Variants in ZZEF1 observed in about 807,000 individuals in gnomAD.
ZZEF1 encodes zinc finger ZZ-type and EF-hand domain containing 1.
A neutral mutation model predicts 342.8 loss-of-function variants in ZZEF1; 157 were observed. The observed-to-expected ratio is 0.46, with a 90% CI of 0.40 to 0.52. The LOEUF is 0.52. Ranked by LOEUF, ZZEF1 falls within the 20% of genes least tolerant of loss-of-function variation. ZZEF1 has a pLI of 0.00. For missense variants in ZZEF1, 3,480 were observed against 3,725.6 expected (o/e 0.93, Z 1.72); for synonymous variants, 1,505 against 1,429.1 (o/e 1.05, Z -1.20).
At chr17:4,048,263 T>C (rs781854) in intron 37 of ZZEF1, among the ~76,000 whole-genome samples, 56,043 of 152,050 alleles carry the variant, frequency 0.37, 11,782 homozygotes, top group African/African-American at 0.57. Flanking sequence ...GGCTTGATGA[T>C]TATGTGGCCT....
At chr17:4,049,542 T>C (rs1009434947) in intron 37 of ZZEF1, among the ~76,000 whole-genome samples, 166 bp downstream of exon 37, 1 of 151,908 alleles carries the variant, frequency 6.6e-6, no homozygotes, top group Admixed American at 6.6e-5. Flanking sequence ...AAACAAACAC[T>C]GAAGAGATGA....
rs781738305 is a variant in ZZEF1 at position 4,070,795 on chromosome 17, C to A, written c.3964G>T (p.Ala1322Ser). The A allele has an allele frequency of 1.2e-6, 2 of 1,614,138 alleles. No individual in the cohort carries two copies. The highest frequency in any genetic ancestry group is 8.5e-7 in the Non-Finnish European group (1 of 1,180,038). The change falls in exon 26 of 55, where the codon GCC becomes TCC. Residue 1322 changes from alanine to serine, a missense_variant. By Grantham distance (99) the Ala-to-Ser change is moderately conservative. This residue lies in a region of ZZEF1 where 1,528 missense variants were observed against 1,624.1 expected (regional missense o/e 0.94). Transcript: ENST00000381638. ...KGFIQACRKQ[A>S]PKTDIVAGST... ...CCAGCAACTATATCTGTCTTTGGGG[C>A]CTGTTTTCTACATGCCTGTATGAAT...
In ZZEF1 at chr17:4,142,707, C is replaced by T; in HGVS notation, c.189G>A (p.Leu63=). ...PARLREAAAA[L]LPTPPCESLV... is the part of the protein sequence containing the mutation. Reference sequence around the variant, plus strand: ...GCGACTCGCAGGGGGGTGTGGGCAGCAACGCTGCAGCAGCCTCTCGCAGCC... The same window carrying T: ...GCGACTCGCAGGGGGGTGTGGGCAGTAACGCTGCAGCAGCCTCTCGCAGCC... The change falls in exon 1 of 55, where the codon TTG becomes TTA. Residue 63 remains leucine, a synonymous_variant. Coordinates refer to ENST00000381638, the MANE Select transcript of ZZEF1 (RefSeq NM_015113.4). The T allele has an allele frequency of 6.3e-7, 1 of 1,598,048 alleles. No individual in the cohort carries two copies.
At chr17:4,026,764 C>A (rs1016379817) in intron 42 of ZZEF1, among the ~76,000 whole-genome samples, 2 of 152,124 alleles carry the variant, frequency 1.3e-5, no homozygotes, top group African/African-American at 4.8e-5. Flanking sequence ...AGGTTATCGG[C>A]CTGCCTCAGC....
intron 42 of ZZEF1, among the ~76,000 whole-genome samples, chr17:4,030,816 C>A (rs1449632707): frequency 6.6e-6 from 1 of 152,176 alleles, no homozygotes; most frequent in Non-Finnish European, 1.5e-5. Context: ...GACAAAGAAA[C>A]TAGAAGAGTC....
intron 29 of ZZEF1, 70 bp from the exon 30 acceptor site, chr17:4,062,987 C>A (rs976368022): frequency 4.0e-6 from 6 of 1,484,398 alleles, no homozygotes; most frequent in East Asian, 2.3e-5. Context: ...AATATCCCCG[C>A]CAAAGCCCTG....
At chr17:4,051,793 C>T (rs962006352) in intron 35 of ZZEF1, among the ~76,000 whole-genome samples, 178 bp downstream of exon 35, 1 of 150,334 alleles carries the variant, frequency 6.7e-6, no homozygotes, top group African/African-American at 2.4e-5. Context: ...ACAAAATCTT[C>T]CTAACTGCTG....
At chr17:4,009,989 G>A (rs1391328165) in intron 52 of ZZEF1, among the ~76,000 whole-genome samples, 1 of 152,170 alleles carries the variant, frequency 6.6e-6, no homozygotes, top group African/African-American at 2.4e-5. Flanking sequence ...GGAACAGGAG[G>A]TCGGAAATGT....
intron 27 of ZZEF1, 112 bp from the exon 28 acceptor site, chr17:4,066,652 T>C: frequency 1.1e-6 from 1 of 889,616 alleles, no homozygotes; most frequent in Non-Finnish European, 1.8e-6. Flanking sequence ...TACTTCACAG[T>C]TGTATCATTT....
At chr17:4,029,142 C>T (rs1182526347) in intron 42 of ZZEF1, among the ~76,000 whole-genome samples, 1 of 152,076 alleles carries the variant, frequency 6.6e-6, no homozygotes, top group Non-Finnish European at 1.5e-5. Context: ...GATACTCCAC[C>T]AACAACATAG....
At chr17:4,035,753 G>A (rs1320074764) in intron 39 of ZZEF1, among the ~76,000 whole-genome samples, 3 of 152,186 alleles carry the variant, frequency 2.0e-5, no homozygotes, top group African/African-American at 7.2e-5. Flanking sequence ...GCCTGTTGCG[G>A]GTGAGGGTCG....
rs71144154 is a variant in ZZEF1, at chr17:4,023,656, C to CAAAAAAAAAAAA, written c.7093-840_7093-829dup. 4.2e-5 allele frequency among the ~76,000 whole-genome samples: 3 copies of CAAAAAAAAAAAA among 71,422 alleles called. 1 individual carries two copies. Among genetic ancestry groups the CAAAAAAAAAAAA allele is most frequent in the African/African-American group, 1.5e-4 (3 of 20,256 alleles). The allele number at this position is 71,422 out of a possible 152,430, so 46.9% of individuals were successfully genotyped here. ...GAAACTTAGCAAGACCCTGTCTCTC[C>CAAAAAAAAAAAA]AAAAAAAAAAAAAAAAAAAAAATTA... On this transcript the variant is annotated intron_variant, in intron 43 of 54. Coordinates refer to ENST00000381638, the MANE Select transcript of ZZEF1 (RefSeq NM_015113.4).
At chr17:4,055,205 C>T (rs1055997415) in intron 33 of ZZEF1, among the ~76,000 whole-genome samples, 1 of 152,084 alleles carries the variant, frequency 6.6e-6, no homozygotes, top group Non-Finnish European at 1.5e-5. Context: ...TACAGTAGAC[C>T]AGAGCAAATA....
chr17:4,084,616 G>A (rs1446282025), intron 16 of ZZEF1, among the ~76,000 whole-genome samples: 1 of 151,994 alleles, frequency 6.6e-6, no homozygotes. Flanking sequence ...GTTTTGTTTT[G>A]TTTTACATTT....
chr17:4,102,299 G>A lies in ZZEF1; in HGVS notation c.1672+18C>T. On this transcript the variant is annotated intron_variant, in intron 9 of 54. Coordinates refer to ENST00000381638, the MANE Select transcript of ZZEF1 (RefSeq NM_015113.4). ...CTGTCTACCGAGCACACTAGAAACA[G>A]ACAGACCCACCACTCACCATCCCTT... 6.2e-7 allele frequency: 1 copy of A among 1,610,394 alleles called. No homozygotes were observed. Among genetic ancestry groups the A allele is most frequent in the East Asian group, 2.2e-5 (1 of 44,840 alleles).
chr17:4,007,101 C>G (rs1340253976), intron 54 of ZZEF1, 131 bp from the exon 55 acceptor site: 5 of 745,256 alleles, frequency 6.7e-6, no homozygotes, highest in African/African-American at 5.3e-5. Context: ...TCCCCTCCCC[C>G]ACAGGCCTGC....
chr17:4,081,899 A>G (rs2145334006), intron 17 of ZZEF1, among the ~76,000 whole-genome samples: 1 of 152,340 alleles, frequency 6.6e-6, no homozygotes, highest in African/African-American at 2.4e-5. Context: ...TTTTAAACAG[A>G]CAGCCCTCTA....
chr17:4,083,637 C>CT (rs35907843), intron 16 of ZZEF1, among the ~76,000 whole-genome samples: 176 of 118,630 alleles, frequency 1.5e-3, no homozygotes, highest in African/African-American at 2.4e-3. Flanking sequence ...GCTTTTGTTC[C>CT]TTTTTTTTTT....
At chr17:4,048,407 G>C (rs556343584) in intron 37 of ZZEF1, among the ~76,000 whole-genome samples, 6 of 152,154 alleles carry the variant, frequency 3.9e-5, no homozygotes, top group Admixed American at 2.0e-4. Context: ...GGGAATCCTT[G>C]AACTAGCAAC....
Sources: allele counts gnomAD v4.1 joint callset (sites outside exome capture counted in the v4.1 genomes callset), GRCh38; gene constraint gnomAD v4.1.1; regional missense constraint gnomAD v4.1.1; transcripts MANE v1.5; gene names NCBI Gene and HGNC (gene_info 2026-07-23, HGNC 2026-07-21).